Variants in SPECC1L observed in about 807,000 individuals in gnomAD.
SPECC1L encodes sperm antigen with calponin homology and coiled-coil domains 1 like.
A neutral mutation model predicts 116.8 loss-of-function variants in SPECC1L; 40 were observed. That is an observed-to-expected ratio of 0.34 (90% confidence interval 0.27 to 0.45). The LOEUF (loss-of-function observed/expected upper bound fraction) is 0.45, where lower values mean the gene tolerates loss of function less well. SPECC1L is among the 20% of genes least tolerant of loss of function. SPECC1L has a pLI of 1.00. For missense variants in SPECC1L, 1,110 were observed against 1,373.6 expected (o/e 0.81, Z 3.03); for synonymous variants, 504 against 500.6 (o/e 1.01, Z -0.09).
chr22:24,292,831 AC>A (rs1218393199), intron 2 of SPECC1L, among the ~76,000 whole-genome samples: 6 of 152,236 alleles, frequency 3.9e-5, no homozygotes, highest in African/African-American at 1.4e-4. Context: ...TGAAGACAGC[AC>A]TTGTTAGAAG....
At chr22:24,341,498 C>T (rs8137109) in intron 10 of SPECC1L, among the ~76,000 whole-genome samples, 176 of 152,288 alleles carry the variant, frequency 1.2e-3, no homozygotes, top group African/African-American at 4.1e-3. Context: ...GAACTAAATA[C>T]CCTCAGAGTA....
intron 6 of SPECC1L, 121 bp downstream of exon 6, chr22:24,324,548 T>C (rs1180562587): frequency 6.4e-6 from 6 of 943,922 alleles, no homozygotes; most frequent in Middle Eastern, 3.2e-4. Context: ...TCCAGCACTT[T>C]GGGAGTTCAA....
rs2040750817 is a variant in SPECC1L at position 24,322,989 on chromosome 22, C to T, written c.1938+71C>T. 14 of 1,581,962 alleles carry T rather than the reference C, an allele frequency of 8.8e-6. No homozygotes were observed. In the South Asian group the frequency reaches 1.5e-4, roughly 17 times the overall value. On this transcript the variant is annotated intron_variant, in intron 5 of 16. Transcript: ENST00000314328. ...TGCCATGCACAGTGTTTACTGAGAACCTGGGTTACTGGTTTGGTTTGGTGT... is the reference window on the plus strand; with the variant it reads ...TGCCATGCACAGTGTTTACTGAGAATCTGGGTTACTGGTTTGGTTTGGTGT...
At chr22:24,303,632 G>A (rs904917039) in intron 3 of SPECC1L, among the ~76,000 whole-genome samples, 3 of 152,134 alleles carry the variant, frequency 2.0e-5, no homozygotes, top group Non-Finnish European at 2.9e-5. Flanking sequence ...TGGCCTCTTC[G>A]TCAGAGGCAG....
chr22:24,348,356 C>G (rs576527413), intron 11 of SPECC1L, among the ~76,000 whole-genome samples: 89 of 152,200 alleles, frequency 5.8e-4, no homozygotes, highest in Non-Finnish European at 1.1e-3. Flanking sequence ...AGGACTGGCT[C>G]TGTGGGCTCC....
At chr22:24,390,872 C>CTTTTCTTTTTTTT (rs2042253331) in intron 14 of SPECC1L, among the ~76,000 whole-genome samples, 4 of 57,112 alleles carry the variant, frequency 7.0e-5, no homozygotes, top group African/African-American at 3.0e-4. Context: ...TTTTTCTTTT[C>CTTTTCTTTTTTTT]TTTTTTTTTT....
At chr22:24,313,544 C>A in intron 4 of SPECC1L, 78 bp downstream of exon 4, 2 of 1,531,064 alleles carry the variant, frequency 1.3e-6, no homozygotes, top group South Asian at 2.3e-5. Context: ...TTACAGTGTT[C>A]CATCTAATTA....
At chr22:24,382,443 G>A (rs1396347565) in intron 14 of SPECC1L, among the ~76,000 whole-genome samples, 1 of 152,038 alleles carries the variant, frequency 6.6e-6, no homozygotes, top group Non-Finnish European at 1.5e-5. Context: ...GGTGGCTCCC[G>A]CCTGTAATCC....
chr22:24,328,946 T>C (rs200677703), intron 7 of SPECC1L, 27 bp downstream of exon 7: 2 of 1,568,062 alleles, frequency 1.3e-6, no homozygotes, highest in Non-Finnish European at 1.8e-6. Flanking sequence ...TGTATTGTCT[T>C]GTTAGAAAAC....
In SPECC1L at chr22:24,414,826, A is replaced by G. The variant is rs1454048047; in HGVS notation, c.*203A>G. The G allele has an allele frequency of 1.7e-6, 1 of 602,134 alleles. No individual in the cohort carries two copies. Among genetic ancestry groups the G allele is most frequent in the Non-Finnish European group, 3.0e-6 (1 of 332,084 alleles). The allele number at this position is 602,134 out of a possible 1,614,324, so 37.3% of individuals were successfully genotyped here. A position where few individuals can be genotyped will look rare whatever the true frequency, so the allele number is the denominator to read the frequency against. ...CTCCCACCAGGGCCCCTCCCACATG[A>G]CCCGTCCATTCAGGTCATGTGGGCT... On this transcript the variant is annotated 3_prime_UTR_variant, in exon 17 of 17. Transcript: ENST00000314328.
At chr22:24,360,886 C>T (rs2041629940) in intron 11 of SPECC1L, among the ~76,000 whole-genome samples, 1 of 152,198 alleles carries the variant, frequency 6.6e-6, no homozygotes, top group South Asian at 2.1e-4. Flanking sequence ...GCATAATATA[C>T]TCTTCCTTTA....
At chr22:24,370,388 T>A (rs1159092014) in intron 14 of SPECC1L, among the ~76,000 whole-genome samples, 1 of 152,058 alleles carries the variant, frequency 6.6e-6, no homozygotes, top group Non-Finnish European at 1.5e-5. Context: ...AAAAAGAATC[T>A]CCATGCCAGC....
intron 2 of SPECC1L, among the ~76,000 whole-genome samples, chr22:24,301,425 A>C (rs2049376344): frequency 6.6e-6 from 1 of 152,206 alleles, no homozygotes; most frequent in Non-Finnish European, 1.5e-5. Context: ...CAATGTCATG[A>C]GTTGAAAATA....
intron 2 of SPECC1L, among the ~76,000 whole-genome samples, chr22:24,288,074 C>A (rs1389130860): frequency 1.3e-5 from 2 of 152,120 alleles, no homozygotes; most frequent in African/African-American, 2.4e-5. Context: ...CATAGATTTT[C>A]CCTTCTCTTT....
chr22:24,377,814 A>G (rs1251064095), intron 14 of SPECC1L, among the ~76,000 whole-genome samples: 1 of 152,234 alleles, frequency 6.6e-6, no homozygotes, highest in Non-Finnish European at 1.5e-5. Flanking sequence ...TATGCTGTCA[A>G]CAGATGTGCT....
At position 24,324,426 on chromosome 22, in the gene SPECC1L, G is replaced by T. The variant is rs2040778246; in HGVS notation, c.2145G>T (p.Glu715Asp). The change falls in exon 6 of 17, where the codon GAG (glutamate) becomes GAT (aspartate). Residue 715 changes from glutamate (E) to aspartate (D), a missense_variant and splice_region_variant. Transcript: ENST00000314328. ...ACAACCTCATTATTTCTGATCTAGA[G>T]AGTAAGTGATAAGAACTTTTCATTC... is the stretch of plus-strand genomic sequence containing the variant. ...LHDNLIISDL[E>D]NTVKKLQDQK... is the part of the protein sequence containing the mutation. 1 of 1,611,622 alleles carries T rather than the reference G, an allele frequency of 6.2e-7. No individual in the cohort carries two copies. Among genetic ancestry groups the T allele is most frequent in the South Asian group, 1.1e-5 (1 of 91,020 alleles).
intron 14 of SPECC1L, among the ~76,000 whole-genome samples, chr22:24,392,765 G>A (rs1417345813): frequency 6.6e-6 from 1 of 152,158 alleles, no homozygotes; most frequent in Admixed American, 6.5e-5. Context: ...TATATCCTGA[G>A]TTTACAGTTT....
At chr22:24,406,372 G>A (rs569347062) in intron 14 of SPECC1L, among the ~76,000 whole-genome samples, 1 of 152,264 alleles carries the variant, frequency 6.6e-6, no homozygotes, top group South Asian at 2.1e-4. Flanking sequence ...GGAAGACAGG[G>A]CATGAACCCT....
At chr22:24,300,461 A>G (rs1028746200) in intron 2 of SPECC1L, among the ~76,000 whole-genome samples, 1 of 152,212 alleles carries the variant, frequency 6.6e-6, no homozygotes, top group African/African-American at 2.4e-5. Flanking sequence ...GTATCTTTAT[A>G]GTGGAACGAT....
Sources: gnomAD v4.1 joint callset for allele counts (sites outside exome capture counted in the v4.1 genomes callset) on GRCh38, gnomAD v4.1.1 for gene constraint, MANE v1.5 for transcripts, NCBI Gene and HGNC (gene_info 2026-07-23, HGNC 2026-07-21) for gene names.